The following SAXO4 variants were observed in gnomAD, a reference collection of about 807,000 sequenced individuals.
The protein encoded by SAXO4 is protein phosphatase 1 regulatory subunit 32.
At chr11:61,482,735 T>C in the SAXO4 span, 2 of 1,613,954 alleles carry the variant, frequency 1.2e-6, no homozygotes, top group Non-Finnish European at 8.5e-7. Context: ...AAGCATCCCC[T>C]GCCCTGGAGC....
the SAXO4 span, chr11:61,486,563 C>A: frequency 1.2e-6 from 2 of 1,614,032 alleles, no homozygotes; most frequent in Non-Finnish European, 1.7e-6. Flanking sequence ...AGGCTCCAAG[C>A]GGGAAACAGC....
the SAXO4 span, among the ~76,000 whole-genome samples, chr11:61,483,671 T>C: frequency 2.0e-5 from 3 of 151,556 alleles, no homozygotes; most frequent in Non-Finnish European, 4.4e-5. Flanking sequence ...AGTGAAGGAG[T>C]TGGAGGCCAG....
At chr11:61,486,653 G>C in the SAXO4 span, 2 of 1,570,820 alleles carry the variant, frequency 1.3e-6, no homozygotes, top group Non-Finnish European at 1.8e-6. Context: ...GAGAAGACAG[G>C]GAGGTTTCTG....
the SAXO4 span, chr11:61,490,027 T>C: frequency 4.2e-5 from 58 of 1,375,726 alleles, no homozygotes; most frequent in Non-Finnish European, 5.6e-5. Flanking sequence ...CTCTCCTCTC[T>C]TGCTGTCAGT....
At chr11:61,487,432 G>A in the SAXO4 span, among the ~76,000 whole-genome samples, 4 of 152,180 alleles carry the variant, frequency 2.6e-5, no homozygotes, top group African/African-American at 9.7e-5. Context: ...TGGGAGTGGA[G>A]AAGAGGGATG....
chr11:61,486,265 TG>T, the SAXO4 span: 1 of 1,484,318 alleles, frequency 6.7e-7, no homozygotes, highest in Non-Finnish European at 9.4e-7. Flanking sequence ...AGCAGTGGCC[TG>T]GAGGCAGAGT....
chr11:61,486,208 T>C, the SAXO4 span: 1 of 882,844 alleles, frequency 1.1e-6, no homozygotes, highest in African/African-American at 1.7e-5. Context: ...CACTTCCCTT[T>C]TCTCAGTGAT....
At chr11:61,489,365 C>A in the SAXO4 span, 2 of 402,000 alleles carry the variant, frequency 5.0e-6, no homozygotes, top group African/African-American at 2.0e-5. Flanking sequence ...TCTGTCTGCA[C>A]CCCCTCTTCA....
chr11:61,481,627 C>T, the SAXO4 span, among the ~76,000 whole-genome samples: 1 of 152,188 alleles, frequency 6.6e-6, no homozygotes, highest in African/African-American at 2.4e-5. Flanking sequence ...TGATCGGTTT[C>T]GTCCTTAGTT....
the SAXO4 span, among the ~76,000 whole-genome samples, chr11:61,483,238 C>T: frequency 6.8e-6 from 1 of 147,604 alleles, no homozygotes; most frequent in South Asian, 2.1e-4. Flanking sequence ...ACGATCTCGG[C>T]TCACTGCAAC....
the SAXO4 span, among the ~76,000 whole-genome samples, chr11:61,481,594 AG>A: frequency 6.6e-6 from 1 of 152,204 alleles, no homozygotes; most frequent in Non-Finnish European, 1.5e-5. Context: ...AGGAGACATG[AG>A]GACTCTTGGG....
the SAXO4 span, chr11:61,482,419 C>G: frequency 6.2e-7 from 1 of 1,613,814 alleles, no homozygotes. Context: ...TTAGACAACC[C>G]GGCCAGGGGG....
chr11:61,484,606 G>A, the SAXO4 span: 52 of 1,553,920 alleles, frequency 3.3e-5, no homozygotes, highest in East Asian at 4.2e-4. Context: ...CAGATACTGC[G>A]CTCTGTAAAG....
chr11:61,490,767 A>ACC, the SAXO4 span: 1 of 608,312 alleles, frequency 1.6e-6, no homozygotes, highest in African/African-American at 1.8e-5. Flanking sequence ...ACACAGAACC[A>ACC]CCCCAGAGCC....
the SAXO4 span, chr11:61,482,652 C>T: frequency 6.2e-7 from 1 of 1,613,976 alleles, no homozygotes. Context: ...TCCTCACCCT[C>T]AGGGAACAAG....
At chr11:61,485,925 G>A in the SAXO4 span, 1 of 1,584,838 alleles carries the variant, frequency 6.3e-7, no homozygotes, top group Non-Finnish European at 8.7e-7. Flanking sequence ...AGTCGGCTGG[G>A]CTCCTGCTAG....
At chr11:61,485,257 G>A in the SAXO4 span, 15 of 1,261,202 alleles carry the variant, frequency 1.2e-5, no homozygotes, top group African/African-American at 5.9e-5. Flanking sequence ...ACAGAGAACC[G>A]AGGCGCCACT....
chr11:61,490,562 C>CA, the SAXO4 span: 711 of 1,614,072 alleles, frequency 4.4e-4, 5 homozygotes, highest in African/African-American at 7.3e-3. Context: ...CTGCGTGGCA[C>CA]ACAGCTGAGC....
chr11:61,490,830 G>A, the SAXO4 span: 1 of 556,570 alleles, frequency 1.8e-6, no homozygotes, highest in East Asian at 3.0e-5. Context: ...CAATCCTAGG[G>A]GACAGGAGCC....
Sources: gnomAD v4.1 joint callset for allele counts (sites outside exome capture counted in the v4.1 genomes callset) on GRCh38, gnomAD v4.1.1 for gene constraint, MANE v1.5 for transcripts, NCBI Gene and HGNC (gene_info 2026-07-23, HGNC 2026-07-21) for gene names.